The following SDK2 variants were observed in gnomAD, a reference collection of about 807,000 sequenced individuals.
SDK2 encodes the protein protein sidekick-2.
Under a neutral mutation model 253.9 loss-of-function variants are expected in SDK2, and 105 were observed. The observed-to-expected ratio is 0.41, with a 90% CI of 0.35 to 0.49. SDK2 has a LOEUF of 0.49. Among genes scored for constraint, SDK2 ranks in the 20% least tolerant of loss-of-function variants. The pLI, the probability that SDK2 is intolerant of heterozygous loss-of-function variation, is 0.06. For synonymous variants in SDK2, 1,249 were observed against 1,234.9 expected (o/e 1.01, Z -0.24); for missense variants, 2,608 against 3,003.0 (o/e 0.87, Z 3.07).
intron 1 of SDK2, among the ~76,000 whole-genome samples, chr17:73,617,751 C>T (rs556164503): frequency 6.2e-4 from 94 of 152,254 alleles, no homozygotes; most frequent in African/African-American, 2.2e-3. Context: ...GTTTTCAAAG[C>T]ACTTTATGCC....
intron 1 of SDK2, among the ~76,000 whole-genome samples, chr17:73,514,800 C>T (rs370007012): frequency 1.4e-4 from 21 of 152,276 alleles, no homozygotes; most frequent in African/African-American, 2.6e-4. Flanking sequence ...TTTCTAGACT[C>T]GCAAACTTTT....
intron 3 of SDK2, among the ~76,000 whole-genome samples, chr17:73,466,059 T>C (rs2063594816): frequency 6.6e-6 from 1 of 152,048 alleles, no homozygotes; most frequent in Non-Finnish European, 1.5e-5. Context: ...GGTGAAAGAT[T>C]TAAGGAGGCA....
rs2062847715 is a variant in SDK2 at position 73,383,383 on chromosome 17, G to A, written c.4705+493C>T. 6.6e-6 allele frequency among the ~76,000 whole-genome samples: 1 copy of A among 152,202 alleles called. No individual in the cohort carries two copies. Among genetic ancestry groups the A allele is most frequent in the African/African-American group, 2.4e-5 (1 of 41,456 alleles). On this transcript the variant is annotated intron_variant, in intron 33 of 44. Transcript: ENST00000392650. This position sits in a 1 kb window ranked among gnomAD's most constrained non-coding sequence, Gnocchi z 4.3. Reference sequence around the variant, plus strand: ...CAGGCAGGGCAGTGGCTTCCCCCAGGAAAAAGAGGGGGCCAGGACTACTGC... The same window carrying A: ...CAGGCAGGGCAGTGGCTTCCCCCAGAAAAAAGAGGGGGCCAGGACTACTGC...
At chr17:73,412,897 A>C (rs2063151333) in intron 18 of SDK2, among the ~76,000 whole-genome samples, 2 of 152,206 alleles carry the variant, frequency 1.3e-5, no homozygotes, top group African/African-American at 4.8e-5. Flanking sequence ...CACAGAGTGA[A>C]GACAGACACC....
chr17:73,363,665 G>T (rs748475303), intron 38 of SDK2, among the ~76,000 whole-genome samples: 1 of 152,128 alleles, frequency 6.6e-6, no homozygotes, highest in African/African-American at 2.4e-5. Context: ...ATGGGAAGAT[G>T]GGAATGTGTA....
intron 2 of SDK2, among the ~76,000 whole-genome samples, chr17:73,483,661 GTATATATATATATATATATATTTATA>G (rs1379723441): frequency 2.8e-5 from 2 of 70,192 alleles, no homozygotes; most frequent in East Asian, 3.9e-4. Flanking sequence ...GTGTGTGTGT[GTATATATATATATATATATATTTATA>G]TATATATATA....
chr17:73,480,057 G>A (rs1474717293), intron 2 of SDK2, among the ~76,000 whole-genome samples: 1 of 152,064 alleles, frequency 6.6e-6, no homozygotes, highest in Non-Finnish European at 1.5e-5. Context: ...ATTTTTTTCT[G>A]CTCCTCTCCC....
chr17:73,407,185 T>C (rs139910593), intron 18 of SDK2, among the ~76,000 whole-genome samples: 2 of 152,338 alleles, frequency 1.3e-5, no homozygotes, highest in East Asian at 1.9e-4. Context: ...TATCTAACTA[T>C]CATTTCTCAC....
chr17:73,508,346 A>T (rs556900784), intron 1 of SDK2, among the ~76,000 whole-genome samples: 208 of 152,372 alleles, frequency 1.4e-3, no homozygotes, highest in Non-Finnish European at 2.4e-3. Flanking sequence ...CCCAGACTTC[A>T]CAAGACTGCT....
intron 1 of SDK2, among the ~76,000 whole-genome samples, chr17:73,539,155 T>C (rs2145817668): frequency 6.6e-6 from 1 of 152,308 alleles, no homozygotes; most frequent in Non-Finnish European, 1.5e-5. Flanking sequence ...AACCAGGCTA[T>C]GTCCCACACC....
chr17:73,400,849 C>T lies in SDK2; in HGVS notation c.2971+171G>A, dbSNP rs115304481. 8.3e-3 allele frequency among the ~76,000 whole-genome samples: 1,262 copies of T among 152,120 alleles called. 19 individuals carry two copies. The highest frequency in any genetic ancestry group is 0.027 in the African/African-American group (1,134 of 41,468). ...TTGTATTTTTAGTAGGGTTTTACCA[C>T]GTTGGCCAGGCTGGTCTCGAACTCC... On this transcript the variant is annotated intron_variant, in intron 21 of 44. Transcript: ENST00000392650.
chr17:73,603,938 G>A (rs1478102842), intron 1 of SDK2, among the ~76,000 whole-genome samples: 3 of 152,234 alleles, frequency 2.0e-5, no homozygotes, highest in Non-Finnish European at 4.4e-5. Flanking sequence ...TGGAGAAGAG[G>A]TGTCATAAAG....
chr17:73,404,844 A>G (rs577246520), intron 18 of SDK2, among the ~76,000 whole-genome samples: 1 of 152,202 alleles, frequency 6.6e-6, no homozygotes, highest in East Asian at 1.9e-4. Flanking sequence ...TCCCCCTTAG[A>G]GAGCAGAGGC....
intron 1 of SDK2, among the ~76,000 whole-genome samples, chr17:73,521,982 A>G (rs768766931): frequency 6.6e-6 from 1 of 152,214 alleles, no homozygotes; most frequent in East Asian, 1.9e-4. Context: ...TGCACCACAC[A>G]GCAATGCTGT....
intron 5 of SDK2, among the ~76,000 whole-genome samples, chr17:73,444,466 G>C (rs1043678912): frequency 5.3e-5 from 8 of 152,206 alleles, no homozygotes; most frequent in Non-Finnish European, 7.3e-5. Flanking sequence ...GGCATAGGGT[G>C]GGCCCTGGGG....
At chr17:73,579,704 C>T (rs890476551) in intron 1 of SDK2, among the ~76,000 whole-genome samples, 12 of 152,274 alleles carry the variant, frequency 7.9e-5, no homozygotes, top group South Asian at 4.1e-4. Context: ...AGGCTGGACG[C>T]GGTGGCTCAC....
intron 12 of SDK2, among the ~76,000 whole-genome samples, chr17:73,424,377 G>C (rs993717476): frequency 6.6e-6 from 1 of 152,132 alleles, no homozygotes; most frequent in Non-Finnish European, 1.5e-5. Context: ...AAGCGTTGTT[G>C]CTTCTGGCCA....
chr17:73,433,931 C>T (rs974397413), intron 9 of SDK2, 83 bp from the exon 10 acceptor site: 11 of 934,596 alleles, frequency 1.2e-5, no homozygotes, highest in Admixed American at 6.2e-5. Context: ...CCAAGCCCAC[C>T]GAGGGCCAGG....
intron 1 of SDK2, among the ~76,000 whole-genome samples, chr17:73,509,746 A>G (rs1262396817): frequency 6.6e-6 from 1 of 150,926 alleles, no homozygotes; most frequent in Non-Finnish European, 1.5e-5. Context: ...AAAATACAAA[A>G]GAAATTAGCT....
Sources: allele counts gnomAD v4.1 joint callset (sites outside exome capture counted in the v4.1 genomes callset), GRCh38; gene constraint gnomAD v4.1.1; non-coding constraint Gnocchi (gnomAD v3.1); transcripts MANE v1.5; gene names NCBI Gene and HGNC (gene_info 2026-07-23, HGNC 2026-07-21).